NNT: variants seen among roughly 807,000 people sequenced by gnomAD.
The protein encoded by NNT is NAD(P) transhydrogenase, mitochondrial.
NNT carries 50 observed loss-of-function variants against 104.8 expected under a neutral mutation model. The ratio of observed to expected loss-of-function variants is 0.48; its 90% CI spans 0.38 to 0.60. The LOEUF is 0.60. Ranked by LOEUF, NNT falls within the 20% of genes least tolerant of loss-of-function variation. The pLI is 0.00. For missense variants in NNT, 1,131 were observed against 1,330.7 expected, an observed-to-expected ratio of 0.85 and a Z score of 2.33; for synonymous variants, 461 against 490.4, an observed-to-expected ratio of 0.94 and a Z score of 0.79.
intron 19 of NNT, among the ~76,000 whole-genome samples, chr5:43,691,256 A>G (rs573537026): frequency 9.2e-5 from 14 of 152,270 alleles, no homozygotes; most frequent in Non-Finnish European, 1.2e-4. Context: ...ATGTGCCATC[A>G]TGCCCAGCTA....
At chr5:43,663,186 T>C (rs1043205064) in intron 17 of NNT, among the ~76,000 whole-genome samples, 3 of 152,194 alleles carry the variant, frequency 2.0e-5, no homozygotes, top group Non-Finnish European at 2.9e-5. Flanking sequence ...CAAATTCATA[T>C]TAGTTGTTTT....
intron 17 of NNT, among the ~76,000 whole-genome samples, chr5:43,665,517 C>T (rs1740597780): frequency 6.6e-6 from 1 of 152,112 alleles, no homozygotes; most frequent in African/African-American, 2.4e-5. Flanking sequence ...CCTTAGTGGA[C>T]ACAGCACATG....
intron 19 of NNT, among the ~76,000 whole-genome samples, chr5:43,687,059 C>G (rs1201019228): frequency 6.6e-6 from 1 of 152,156 alleles, no homozygotes; most frequent in African/African-American, 2.4e-5. Flanking sequence ...CTCTCCTTCT[C>G]TCTCTTGAAT....
At chr5:43,620,807 G>A (rs1212208139) in intron 5 of NNT, among the ~76,000 whole-genome samples, 1 of 152,162 alleles carries the variant, frequency 6.6e-6, no homozygotes, top group Admixed American at 6.5e-5. Context: ...GAAGTTCGAT[G>A]CTGTTCTTAA....
chr5:43,668,799 T>G (rs1580079465), intron 17 of NNT, among the ~76,000 whole-genome samples: 1 of 152,210 alleles, frequency 6.6e-6, no homozygotes. Flanking sequence ...TAAAGTAGTT[T>G]TTTCCAATTC....
chr5:43,649,572 T>C (rs1580040781), intron 11 of NNT, among the ~76,000 whole-genome samples: 1 of 151,408 alleles, frequency 6.6e-6, no homozygotes, highest in Admixed American at 6.6e-5. Context: ...CTTCCAAGTT[T>C]GATCCTTTTT....
chr5:43,701,664 C>T (rs1339056470), intron 20 of NNT, among the ~76,000 whole-genome samples: 4 of 152,198 alleles, frequency 2.6e-5, no homozygotes, highest in East Asian at 1.9e-4. Flanking sequence ...TTGCTTTCCA[C>T]ACTGGCTGAA....
intron 17 of NNT, among the ~76,000 whole-genome samples, chr5:43,668,834 G>T (rs1255841357): frequency 6.6e-6 from 1 of 152,208 alleles, no homozygotes; most frequent in Non-Finnish European, 1.5e-5. Flanking sequence ...TTGGTAACTT[G>T]ATGGGGATGG....
chr5:43,679,187 T>G (rs1289455014), intron 19 of NNT, among the ~76,000 whole-genome samples: 1 of 152,214 alleles, frequency 6.6e-6, no homozygotes, highest in Non-Finnish European at 1.5e-5. Flanking sequence ...CTGAGAACAT[T>G]TGTAGGCCTG....
At chr5:43,631,734 TTTTTA>T (rs932791880) in intron 7 of NNT, among the ~76,000 whole-genome samples, 1 of 152,192 alleles carries the variant, frequency 6.6e-6, no homozygotes, top group Non-Finnish European at 1.5e-5. Flanking sequence ...AATATTTTAT[TTTTTA>T]TAAGTAGTTT....
intron 19 of NNT, among the ~76,000 whole-genome samples, chr5:43,690,814 T>C (rs1742232241): frequency 6.6e-6 from 1 of 152,166 alleles, no homozygotes; most frequent in Admixed American, 6.5e-5. Flanking sequence ...GGGTTATGCA[T>C]GAGGGCAGAT....
In NNT at chr5:43,647,118, C is replaced by T. The variant is rs112429087; in HGVS notation, c.1444+1608C>T. The stretch of plus-strand genomic sequence containing the variant: ...AGAATTCTTGTAGAGTCATCATTCT[C>T]CAAATTCCCATGTGAGTCCAGATGT... On this transcript the variant is annotated intron_variant, in intron 10 of 21. Coordinates refer to ENST00000344920, the MANE Select transcript of NNT (RefSeq NM_182977.3). Among the ~76,000 whole-genome samples, 546 of 152,296 alleles carry T rather than the reference C, an allele frequency of 3.6e-3. 2 individuals carry two copies. Among genetic ancestry groups the T allele is most frequent in the African/African-American group, 0.013 (535 of 41,564 alleles).
At chr5:43,665,816 A>G (rs1267028835) in intron 17 of NNT, among the ~76,000 whole-genome samples, 2 of 95,672 alleles carry the variant, frequency 2.1e-5, no homozygotes, top group Non-Finnish European at 5.8e-5. Context: ...GCAGAGGCGC[A>G]CCCCACCTCC....
chr5:43,656,097 A>T, intron 15 of NNT, 24 bp downstream of exon 15: 1 of 1,569,808 alleles, frequency 6.4e-7, no homozygotes, highest in Non-Finnish European at 8.8e-7. Flanking sequence ...CATAACATAG[A>T]GGTAAATATC....
intron 9 of NNT, among the ~76,000 whole-genome samples, 197 bp from the exon 10 acceptor site, chr5:43,645,156 TTGTA>T (rs1739312602): frequency 6.6e-6 from 1 of 152,194 alleles, no homozygotes; most frequent in African/African-American, 2.4e-5. Flanking sequence ...ATATATATGA[TTGTA>T]TATGTAACAT....
intron 1 of NNT, among the ~76,000 whole-genome samples, chr5:43,605,457 A>C (rs1749161266): frequency 7.7e-6 from 1 of 129,054 alleles, no homozygotes; most frequent in Non-Finnish European, 1.6e-5. Context: ...CGGAGCTTGC[A>C]GTGAGCCGAG....
chr5:43,652,383 T>C (rs930754683), intron 13 of NNT, among the ~76,000 whole-genome samples: 1 of 152,178 alleles, frequency 6.6e-6, no homozygotes, highest in African/African-American at 2.4e-5. Context: ...AAAACAGAAA[T>C]AATCCAGCTG....
rs1272569181 is a variant in NNT, at chr5:43,609,224, C to A, written c.29C>A (p.Thr10Asn). The A allele has an allele frequency of 1.2e-6, 2 of 1,613,784 alleles. No homozygotes were observed. Among genetic ancestry groups the A allele is most frequent in the African/African-American group, 1.3e-5 (1 of 74,894 alleles). The change falls in exon 2 of 22, where the codon ACT becomes AAT. Residue 10 changes from threonine to asparagine, a missense_variant. Thr to Asn is a moderately conservative substitution (Grantham distance 65). Transcript: ENST00000344920. Reference sequence around the variant, plus strand: ...GCAAACCTATTGAAAACAGTGGTGACTGGCTGCTCGTGTCCTCTACTTAGC... The same window carrying A: ...GCAAACCTATTGAAAACAGTGGTGAATGGCTGCTCGTGTCCTCTACTTAGC... MANLLKTVV[T>N]GCSCPLLSNL...
intron 17 of NNT, among the ~76,000 whole-genome samples, chr5:43,661,677 TGTGATA>T (rs1554051568): frequency 1.3e-5 from 2 of 150,686 alleles, no homozygotes; most frequent in Non-Finnish European, 2.9e-5. Flanking sequence ...TTTTTGTTCT[TGTGATA>T]GTTTACTGAG....
Sources: gnomAD v4.1 joint callset for allele counts (sites outside exome capture counted in the v4.1 genomes callset) on GRCh38, gnomAD v4.1.1 for gene constraint, MANE v1.5 for transcripts, NCBI Gene and HGNC (gene_info 2026-07-23, HGNC 2026-07-21) for gene names.